Variants in HS2ST1 observed in about 807,000 individuals in gnomAD.
The protein encoded by HS2ST1 is heparan sulfate 2-O-sulfotransferase 1.
In HS2ST1, 18 loss-of-function variants were observed where a neutral mutation model predicts 42.9. The ratio of observed to expected loss-of-function variants is 0.42; its 90% CI spans 0.29 to 0.62. The LOEUF is 0.62. HS2ST1 is among the 20% of genes least tolerant of loss of function. The probability of loss-of-function intolerance (pLI) is 0.21; values close to 1 mark genes in which losing one functional copy is unlikely to be tolerated. For missense variants in HS2ST1, 334 were observed against 433.8 expected (o/e 0.77, Z 2.04); for synonymous variants, 146 against 152.9 (o/e 0.95, Z 0.33).
intron 1 of HS2ST1, among the ~76,000 whole-genome samples, chr1:86,952,217 C>T (rs1301570992): frequency 1.3e-5 from 2 of 152,104 alleles, no homozygotes; most frequent in Non-Finnish European, 2.9e-5. Flanking sequence ...CAGCTATAGC[C>T]TTACAAAATG....
chr1:86,936,705 T>C (rs1660661503), intron 1 of HS2ST1, among the ~76,000 whole-genome samples: 1 of 152,156 alleles, frequency 6.6e-6, no homozygotes, highest in African/African-American at 2.4e-5. Context: ...AACCGTTCTT[T>C]TATATTCTCT....
intron 1 of HS2ST1, among the ~76,000 whole-genome samples, chr1:87,011,676 G>T (rs1439979775): frequency 1.3e-5 from 2 of 152,172 alleles, no homozygotes; most frequent in Non-Finnish European, 2.9e-5. Flanking sequence ...ACAGCCATCT[G>T]TCTTACCTAA....
In HS2ST1 at chr1:87,104,738, C is replaced by A. The variant is rs757560491; in HGVS notation, c.*42C>A. The A allele has an allele frequency of 1.7e-6, 2 of 1,205,842 alleles. No homozygotes were observed. Among genetic ancestry groups the A allele is most frequent in the Non-Finnish European group, 2.4e-6 (2 of 818,122 alleles). 74.7% of individuals were successfully genotyped at this position (1,205,842 alleles called of 1,614,324 possible). On this transcript the variant is annotated 3_prime_UTR_variant, in exon 7 of 7. Coordinates refer to ENST00000370550, the MANE Select transcript of HS2ST1 (RefSeq NM_012262.4). ...TTGGATTCTTGAACTAAAATTTGAC[C>A]CTGTCTTCACCTTTGTTCTCAGCTC...
Position 87,084,271 on chromosome 1 carries a change from T to G in HS2ST1, c.441T>G (p.Asp147Glu), listed in dbSNP as rs571909404. 2.6e-5 allele frequency: 42 copies of G among 1,590,312 alleles called. No individual in the cohort carries two copies. Among genetic ancestry groups the G allele is most frequent in the Non-Finnish European group, 3.4e-5 (39 of 1,161,860 alleles). The change falls in exon 3 of 7, where the codon GAT (aspartate) becomes GAG (glutamate). Residue 147 changes from aspartate to glutamate, a missense_variant. Physicochemically the swap from Asp to Glu is conservative, Grantham distance 45. Transcript: ENST00000370550. ...ATCATGGACACGTTTCTTACTTGGA[T>G]TTTGCAAAGTAAGTTACACTGAAAT... ...GFYHGHVSYL[D>E]FAKFGVKKKP...
intron 1 of HS2ST1, among the ~76,000 whole-genome samples, chr1:86,985,171 C>T (rs1189308529): frequency 1.3e-5 from 2 of 149,078 alleles, no homozygotes; most frequent in Non-Finnish European, 3.0e-5. Flanking sequence ...CTGGCTAACA[C>T]GGTGAAACCC....
intron 1 of HS2ST1, among the ~76,000 whole-genome samples, chr1:87,019,489 A>T (rs960929845): frequency 5.3e-5 from 8 of 152,160 alleles, no homozygotes; most frequent in African/African-American, 1.9e-4. Flanking sequence ...TATCTTTTTA[A>T]TATTTACTTT....
Position 86,938,891 on chromosome 1 carries a change from C to A in HS2ST1, c.124+23731C>A, listed in dbSNP as rs190494430. On this transcript the variant is annotated intron_variant, in intron 1 of 6. Transcript: ENST00000370550. Reference sequence around the variant, plus strand: ...TGCTATTACGACAAAGTAAAAGTTACCTTGAAAAATAAGTAATTCAACTGG... The same window carrying A: ...TGCTATTACGACAAAGTAAAAGTTAACTTGAAAAATAAGTAATTCAACTGG... Among the ~76,000 whole-genome samples, 12 of 152,214 alleles carry A rather than the reference C, an allele frequency of 7.9e-5. No individual in the cohort carries two copies. In the East Asian group the frequency reaches 2.3e-3, roughly 29 times the overall value.
intron 1 of HS2ST1, among the ~76,000 whole-genome samples, chr1:86,951,001 T>C (rs570374255): frequency 6.6e-6 from 1 of 152,000 alleles, no homozygotes; most frequent in East Asian, 1.9e-4. Flanking sequence ...TCTGATAGAG[T>C]GTTCAGTTGG....
At chr1:86,933,196 T>C (rs1240670476) in intron 1 of HS2ST1, among the ~76,000 whole-genome samples, 1 of 152,200 alleles carries the variant, frequency 6.6e-6, no homozygotes, top group Non-Finnish European at 1.5e-5. Flanking sequence ...TTCTTTGAGC[T>C]TCATGGATCT....
intron 1 of HS2ST1, among the ~76,000 whole-genome samples, chr1:86,984,932 C>T (rs1055390526): frequency 5.4e-5 from 8 of 148,732 alleles, no homozygotes; most frequent in Non-Finnish European, 8.9e-5. Flanking sequence ...AAAGTTATGC[C>T]GTTTCTTACA....
rs576506170 is a variant in HS2ST1 at position 86,943,101 on chromosome 1, A to C, written c.124+27941A>C. 1.1e-4 allele frequency among the ~76,000 whole-genome samples: 17 copies of C among 152,344 alleles called. 1 individual carries two copies. The highest frequency in any genetic ancestry group is 4.1e-4 in the African/African-American group (17 of 41,576). The stretch of plus-strand genomic sequence containing the variant: ...AATGTAAAATTTAAAGGCTTATTGA[A>C]AGAATGTTAATAACTTTTAAAAAAA... On this transcript the variant is annotated intron_variant, in intron 1 of 6. Coordinates refer to ENST00000370550, the MANE Select transcript of HS2ST1 (RefSeq NM_012262.4).
chr1:87,000,122 AAATG>A (rs779550991), intron 1 of HS2ST1, among the ~76,000 whole-genome samples: 1 of 151,622 alleles, frequency 6.6e-6, no homozygotes, highest in Non-Finnish European at 1.5e-5. Flanking sequence ...AAAAAAAACT[AAATG>A]AAAATCCCAA....
At chr1:87,057,582 A>T (rs201038188) in intron 1 of HS2ST1, among the ~76,000 whole-genome samples, 4 of 91,776 alleles carry the variant, frequency 4.4e-5, no homozygotes, top group Non-Finnish European at 4.9e-5. Context: ...TTTTTTTTTT[A>T]AAGACAAAGT....
chr1:86,927,846 C>T (rs1660453131), intron 1 of HS2ST1, among the ~76,000 whole-genome samples: 1 of 152,076 alleles, frequency 6.6e-6, no homozygotes, highest in Non-Finnish European at 1.5e-5. Context: ...GCTATGTAGT[C>T]CCTGTATGCT....
At chr1:86,992,411 G>C (rs939357606) in intron 1 of HS2ST1, among the ~76,000 whole-genome samples, 1 of 151,632 alleles carries the variant, frequency 6.6e-6, no homozygotes, top group Non-Finnish European at 1.5e-5. Context: ...TGCTGCCCAG[G>C]CCTGGAGTGC....
At chr1:86,977,159 A>C (rs1648439552) in intron 1 of HS2ST1, among the ~76,000 whole-genome samples, 2 of 152,202 alleles carry the variant, frequency 1.3e-5, no homozygotes, top group African/African-American at 4.8e-5. Context: ...CTTAAAAGGA[A>C]GAATATTAGT....
chr1:86,977,754 A>G (rs752193797), intron 1 of HS2ST1, among the ~76,000 whole-genome samples: 1 of 152,236 alleles, frequency 6.6e-6, no homozygotes, highest in Non-Finnish European at 1.5e-5. Flanking sequence ...TTTTATGGCT[A>G]ACTACTTGAG....
At chr1:86,934,464 T>A (rs1404899132) in intron 1 of HS2ST1, 3 of 152,216 alleles carry the variant, frequency 2.0e-5, no homozygotes, top group South Asian at 2.1e-4. Context: ...ACGTTGAACC[T>A]CCAGCAATTT....
chr1:86,954,026 A>G (rs1360060624), intron 1 of HS2ST1, among the ~76,000 whole-genome samples: 1 of 141,122 alleles, frequency 7.1e-6, no homozygotes, highest in Admixed American at 7.4e-5. Flanking sequence ...AATAACAAAC[A>G]TCACTGTTTT....
Sources: allele counts gnomAD v4.1 joint callset (sites outside exome capture counted in the v4.1 genomes callset), GRCh38; gene constraint gnomAD v4.1.1; transcripts MANE v1.5; gene names NCBI Gene and HGNC (gene_info 2026-07-23, HGNC 2026-07-21).